The following SNRNP200 variants were observed in gnomAD, a reference collection of about 807,000 sequenced individuals.
The protein encoded by SNRNP200 is small nuclear ribonucleoprotein U5 subunit 200.
A neutral mutation model predicts 255.2 loss-of-function variants in SNRNP200; 66 were observed. That is an observed-to-expected ratio of 0.26 (90% CI 0.21 to 0.32). The LOEUF is 0.32. Among genes scored for constraint, SNRNP200 ranks in the 10% least tolerant of loss-of-function variants. The probability of loss-of-function intolerance (pLI) is 1.00; values close to 1 mark genes in which losing one functional copy is unlikely to be tolerated. For synonymous variants in SNRNP200, 939 were observed against 1,027.8 expected (o/e 0.91, Z 1.65); for missense variants, 1,585 against 2,749.8 (o/e 0.58, Z 9.47).
chr2:96,277,569 G>A lies in SNRNP200; in HGVS notation c.5901C>T (p.Thr1967=). The change falls in exon 41 of 45, where the codon ACC becomes ACT. Residue 1967 remains threonine (T), a synonymous_variant. Coordinates refer to ENST00000323853, the MANE Select transcript of SNRNP200 (RefSeq NM_014014.5). The surrounding 1 kb of genome is among the most constrained non-coding windows in gnomAD (Gnocchi z 4.4). ...CTGTGCAACGTTTGATATGCTCAGA[G>A]GTGAAGTGTGGCAGCTGCTTCAGGT... ...DSYLKQLPHF[T]SEHIKRCTDK... is the part of the protein sequence containing the mutation. The A allele has an allele frequency of 6.2e-7, 1 of 1,613,182 alleles. No homozygotes were observed. The highest frequency in any genetic ancestry group is 8.5e-7 in the Non-Finnish European group (1 of 1,180,034).
chr2:96,298,974 A>G lies in SNRNP200; in HGVS notation c.730-7T>C. The stretch of plus-strand genomic sequence containing the variant: ...GTTCACCTGAGGCTACGAGCTATAA[A>G]AGTAACCAGGCATTTAGCTCACCAG... On this transcript the variant is annotated splice_region_variant and splice_polypyrimidine_tract_variant and intron_variant, in intron 6 of 44. Coordinates refer to ENST00000323853, the MANE Select transcript of SNRNP200 (RefSeq NM_014014.5). The G allele has an allele frequency of 6.2e-7, 1 of 1,613,932 alleles. No individual in the cohort carries two copies. Among genetic ancestry groups the G allele is most frequent in the Non-Finnish European group, 8.5e-7 (1 of 1,180,020 alleles).
At position 96,274,871 on chromosome 2, in the gene SNRNP200, G is replaced by A; in HGVS notation, c.*141C>T. 1.1e-6 allele frequency: 1 copy of A among 872,310 alleles called. No individual in the cohort carries two copies. Among genetic ancestry groups the A allele is most frequent in the Non-Finnish European group, 1.9e-6 (1 of 519,536 alleles). 54.0% of individuals were successfully genotyped at this position (872,310 alleles called of 1,614,324 possible). A position where few individuals can be genotyped will look rare whatever the true frequency, so the allele number is the denominator to read the frequency against. The stretch of plus-strand genomic sequence containing the variant: ...CAGAGTGAGCAAGGGAAAGGAAGTG[G>A]AGGTAGGCGGGGACAGCACCAGCCC... On this transcript the variant is annotated 3_prime_UTR_variant, in exon 45 of 45. Coordinates refer to ENST00000323853, the MANE Select transcript of SNRNP200 (RefSeq NM_014014.5).
In SNRNP200 at chr2:96,293,350, C is replaced by T. The variant is rs769109429; in HGVS notation, c.2002G>A (p.Asp668Asn). Residue 668 changes from aspartate (D) to asparagine (N), a missense_variant, in exon 15 of 45, where the codon GAC becomes AAC. By Grantham distance (23) the Asp-to-Asn change is conservative (BLOSUM62 1). Coordinates refer to ENST00000323853, the MANE Select transcript of SNRNP200 (RefSeq NM_014014.5). ...YEDVATFLRVDPAKGLFYFDN... is the reference protein window; with the variant it reads ...YEDVATFLRVNPAKGLFYFDN... ...AAGTAAAAGAGACCCTTGGCAGGGT[C>T]AACACGTAGAAAGGTGGCTACATCT... 3.1e-6 allele frequency: 5 copies of T among 1,614,224 alleles called. No homozygotes were observed. Among genetic ancestry groups the T allele is most frequent in the South Asian group, 1.1e-5 (1 of 91,078 alleles).
intron 24 of SNRNP200, 116 bp from the exon 25 acceptor site, chr2:96,288,085 A>C: frequency 2.2e-5 from 19 of 870,312 alleles, no homozygotes; most frequent in Non-Finnish European, 3.3e-5. Flanking sequence ...ACCCTAACTC[A>C]AAGGCAAAGT....
At chr2:96,282,876 G>A in intron 34 of SNRNP200, 1 of 437,348 alleles carries the variant, frequency 2.3e-6, no homozygotes. Flanking sequence ...TACAAGAACG[G>A]ACTAATACAC....
At position 96,284,259 on chromosome 2, in the gene SNRNP200, A is replaced by G. The variant is rs1024419113; in HGVS notation, c.4392+99T>C. ...CAGCAGGTAGAATCCTCTGGGGAGA[A>G]GCCCCGAGCCTCCGTCCTCAGACCC... On this transcript the variant is annotated intron_variant, in intron 31 of 44. Coordinates refer to ENST00000323853, the MANE Select transcript of SNRNP200 (RefSeq NM_014014.5). 6 of 1,065,544 alleles carry G rather than the reference A, an allele frequency of 5.6e-6. No individual in the cohort carries two copies. The African/African-American group carries it at 9.3e-5, about 17-fold the overall frequency. The allele number at this position is 1,065,544 out of a possible 1,614,324, so 66.0% of individuals were successfully genotyped here.
chr2:96,299,567 G>A, intron 5 of SNRNP200, 140 bp from the exon 6 acceptor site: 2 of 738,174 alleles, frequency 2.7e-6, no homozygotes, highest in East Asian at 2.6e-5. Context: ...TTGGAACCAA[G>A]GTCAGCCTTA....
chr2:96,274,704 T>C lies in SNRNP200; in HGVS notation c.*308A>G, dbSNP rs1306179949. 2.2e-5 allele frequency: 9 copies of C among 410,540 alleles called. No homozygotes were observed. The highest frequency in any genetic ancestry group is 2.1e-4 in the South Asian group (9 of 43,750). The allele number at this position is 410,540 out of a possible 1,614,324, so 25.4% of individuals were successfully genotyped here. A position where few individuals can be genotyped will look rare whatever the true frequency, so the allele number is the denominator to read the frequency against. ...CCCTCAGGTTGGAGAAAGAAAACTT[T>C]TAATTTGGAATCACTACAAAGACAA... On this transcript the variant is annotated 3_prime_UTR_variant, in exon 45 of 45. Transcript: ENST00000323853.
chr2:96,291,534 C>G lies in SNRNP200; in HGVS notation c.2311-32G>C. On this transcript the variant is annotated intron_variant, in intron 17 of 44. Coordinates refer to ENST00000323853, the MANE Select transcript of SNRNP200 (RefSeq NM_014014.5). This position sits in a 1 kb window ranked among gnomAD's most constrained non-coding sequence, Gnocchi z 4.2. ...AACAAAGAACCGGGGATGAGGCGAG[C>G]CTTCCTGTAGGACTCATCCAAGGAC... is the stretch of plus-strand genomic sequence containing the variant. 6.9e-7 allele frequency: 1 copy of G among 1,458,878 alleles called. No individual in the cohort carries two copies. The highest frequency in any genetic ancestry group is 9.6e-7 in the Non-Finnish European group (1 of 1,038,728). The allele number at this position is 1,458,878 out of a possible 1,614,324, so 90.4% of individuals were successfully genotyped here.
In SNRNP200 at chr2:96,299,361, C is replaced by T; in HGVS notation, c.697G>A (p.Glu233Lys). The change falls in exon 6 of 45, where the codon GAG becomes AAG. Residue 233 changes from glutamate (E) to lysine (K), a missense_variant. Physicochemically the swap from Glu to Lys is moderately conservative, Grantham distance 56 (BLOSUM62 1). Coordinates refer to ENST00000323853, the MANE Select transcript of SNRNP200 (RefSeq NM_014014.5). The stretch of plus-strand genomic sequence containing the variant: ...GAGAGGGTGCAGCGCACGACAGCCT[C>T]GTCCCCTTCCATGTCATCATCAGAT... ...EASDDDMEGD[E>K]AVVRCTLSAN... 9 of 1,614,122 alleles carry T rather than the reference C, an allele frequency of 5.6e-6. No homozygotes were observed. The highest frequency in any genetic ancestry group is 7.6e-6 in the Non-Finnish European group (9 of 1,180,024).
rs769028716 is a variant in SNRNP200 at position 96,286,875 on chromosome 2, C to T, written c.3642G>A (p.Val1214=). ...TCCAAAAAGCCTCGGATGAACCATG[C>T]ACCTGCCAACAGGAGCAAGGGTAAA... is the stretch of plus-strand genomic sequence containing the variant. ...ITPDFQWDEK[V]HGSSEAFWIL... is the part of the protein sequence containing the mutation. Residue 1214 remains valine, a splice_region_variant and synonymous_variant, in exon 28 of 45, where the codon GTG becomes GTA. Coordinates refer to ENST00000323853, the MANE Select transcript of SNRNP200 (RefSeq NM_014014.5). The surrounding 1 kb of genome is among the most constrained non-coding windows in gnomAD (Gnocchi z 4.8). The T allele has an allele frequency of 1.2e-6, 2 of 1,614,090 alleles. No homozygotes were observed. The highest frequency in any genetic ancestry group is 3.3e-5 in the Admixed American group (2 of 60,008).
At chr2:96,304,359 T>C (rs1338618596) in intron 2 of SNRNP200, among the ~76,000 whole-genome samples, 1 of 151,138 alleles carries the variant, frequency 6.6e-6, no homozygotes, top group Admixed American at 6.6e-5. Context: ...TGGACAAGAG[T>C]AAATGGAAAA....
chr2:96,278,755 A>G lies in SNRNP200; in HGVS notation c.5324-44T>C. On this transcript the variant is annotated intron_variant, in intron 37 of 44. Coordinates refer to ENST00000323853, the MANE Select transcript of SNRNP200 (RefSeq NM_014014.5). This position sits in a 1 kb window ranked among gnomAD's most constrained non-coding sequence, Gnocchi z 6.9. ...AGTGGGGAGCCTCAAGAAGATGCCC[A>G]GCAAAGACTGTGAGAACCACCAAAG... 6.2e-7 allele frequency: 1 copy of G among 1,614,236 alleles called. No homozygotes were observed. The highest frequency in any genetic ancestry group is 8.5e-7 in the Non-Finnish European group (1 of 1,180,042).
intron 14 of SNRNP200, among the ~76,000 whole-genome samples, chr2:96,294,512 C>T (rs527457125): frequency 2.0e-5 from 3 of 152,180 alleles, no homozygotes; most frequent in Admixed American, 1.3e-4. Flanking sequence ...TCAGCTCTGC[C>T]ATTGCAGCCA....
intron 1 of SNRNP200, among the ~76,000 whole-genome samples, chr2:96,305,186 G>C (rs2063979840): frequency 6.6e-6 from 1 of 152,086 alleles, no homozygotes; most frequent in Non-Finnish European, 1.5e-5. Flanking sequence ...GAAGGTACTC[G>C]AGAAACTCCT....
intron 13 of SNRNP200, among the ~76,000 whole-genome samples, chr2:96,296,123 C>G (rs1406790136): frequency 6.6e-6 from 1 of 151,814 alleles, no homozygotes; most frequent in Admixed American, 6.6e-5. Context: ...ACAGCGAGAC[C>G]CTGTCTCAAA....
Position 96,299,332 on chromosome 2 carries a change from A to T in SNRNP200, c.726T>A (p.Ala242=). The T allele has an allele frequency of 6.2e-7, 1 of 1,613,924 alleles. No homozygotes were observed. Among genetic ancestry groups the T allele is most frequent in the Non-Finnish European group, 8.5e-7 (1 of 1,179,850 alleles). Reference sequence around the variant, plus strand: ...AGGAAGAGCAAACTGAACTTACATTAGCCGAGAGGGTGCAGCGCACGACAG... The same window carrying T: ...AGGAAGAGCAAACTGAACTTACATTTGCCGAGAGGGTGCAGCGCACGACAG... The part of the protein sequence containing the change: ...DEAVVRCTLS[A]NLVASGELMS... Residue 242 remains alanine, a synonymous_variant, in exon 6 of 45, where the codon GCT becomes GCA. Transcript: ENST00000323853.
At chr2:96,289,471 G>C in intron 21 of SNRNP200, 92 bp from the exon 22 acceptor site, 3 of 1,441,134 alleles carry the variant, frequency 2.1e-6, no homozygotes, top group Non-Finnish European at 2.9e-6. Context: ...TAGGTTTTTT[G>C]TACTTTTTTT....
chr2:96,278,694 A>G lies in SNRNP200; in HGVS notation c.5341T>C (p.Leu1781=). 1 of 1,614,240 alleles carries G rather than the reference A, an allele frequency of 6.2e-7. No homozygotes were observed. Among genetic ancestry groups the G allele is most frequent in the Non-Finnish European group, 8.5e-7 (1 of 1,180,048 alleles). Residue 1781 remains leucine (L), a synonymous_variant, in exon 38 of 45, where the codon TTG becomes CTG. Transcript: ENST00000323853. The surrounding 1 kb of genome is among the most constrained non-coding windows in gnomAD (Gnocchi z 6.9). ...YNLQGISHRH[L]SDHLSELVEQ... The stretch of plus-strand genomic sequence containing the variant: ...ACCAGCTCTGACAAGTGGTCCGACA[A>G]GTGACGATGGGAGATGCCTATGGAG...
Sources: allele counts gnomAD v4.1 joint callset (sites outside exome capture counted in the v4.1 genomes callset), GRCh38; gene constraint gnomAD v4.1.1; non-coding constraint Gnocchi (gnomAD v3.1); transcripts MANE v1.5; gene names NCBI Gene and HGNC (gene_info 2026-07-23, HGNC 2026-07-21).